SLC25A24: variants seen among roughly 807,000 people sequenced by gnomAD.
The protein encoded by SLC25A24 is mitochondrial adenyl nucleotide antiporter SLC25A24.
SLC25A24 carries 49 observed loss-of-function variants against 60.7 expected under a neutral mutation model. That is an observed-to-expected ratio of 0.81 (90% CI 0.64 to 1.02). SLC25A24 has a LOEUF of 1.02. SLC25A24 is among the 50% of genes least tolerant of loss of function. The probability of loss-of-function intolerance (pLI) is 0.00; values close to 1 mark genes in which losing one functional copy is unlikely to be tolerated. For missense variants in SLC25A24, 564 were observed against 586.3 expected, an observed-to-expected ratio of 0.96 and a Z score of 0.39; for synonymous variants, 202 against 200.6, an observed-to-expected ratio of 1.01 and a Z score of -0.06.
rs1647732363 is a variant in SLC25A24, at chr1:108,177,665, C to G, written c.398+4276G>C. Among the ~76,000 whole-genome samples, 5 of 152,162 alleles carry G rather than the reference C, an allele frequency of 3.3e-5. No homozygotes were observed. The South Asian group carries it at 1.0e-3, about 32-fold the overall frequency. On this transcript the variant is annotated intron_variant, in intron 3 of 9. Transcript: ENST00000565488. Reference sequence around the variant, plus strand: ...TAAGTCAGAAGTTGTAAAGGAGAAACAAAGTTCCTATATAATGATAAAAGG... The same window carrying G: ...TAAGTCAGAAGTTGTAAAGGAGAAAGAAAGTTCCTATATAATGATAAAAGG...
intron 4 of SLC25A24, among the ~76,000 whole-genome samples, chr1:108,159,612 G>GCCTT (rs1406010157): frequency 1.3e-5 from 2 of 151,610 alleles, no homozygotes; most frequent in Admixed American, 6.6e-5. Context: ...GGACCCTGCG[G>GCCTT]CCTTCCGCAG....
In SLC25A24 at chr1:108,161,803, T is replaced by A. The variant is rs531136554; in HGVS notation, c.399-510A>T. Among the ~76,000 whole-genome samples, 8 of 152,294 alleles carry A rather than the reference T, an allele frequency of 5.3e-5. No homozygotes were observed. The South Asian group carries it at 1.7e-3, about 32-fold the overall frequency. ...GTGACTGTGCCTTTGAGTCTTTTTTTTTTATTATTATACTTTAAGTTTTAG... is the reference window on the plus strand; with the variant it reads ...GTGACTGTGCCTTTGAGTCTTTTTTATTTATTATTATACTTTAAGTTTTAG... On this transcript the variant is annotated intron_variant, in intron 3 of 9. Transcript: ENST00000565488.
chr1:108,145,250 C>T (rs758481476), intron 7 of SLC25A24, among the ~76,000 whole-genome samples: 28 of 152,240 alleles, frequency 1.8e-4, no homozygotes, highest in Admixed American at 3.3e-4. Flanking sequence ...CCGTCACCCA[C>T]TTTTTGGTGG....
intron 7 of SLC25A24, 84 bp downstream of exon 7, chr1:108,148,193 CTG>C: frequency 1.2e-6 from 1 of 851,430 alleles, no homozygotes. Flanking sequence ...TTGTTTTAAA[CTG>C]TTAATTTTGG....
At position 108,155,152 on chromosome 1, in the gene SLC25A24, A is replaced by C; in HGVS notation, c.670-17T>G. The C allele has an allele frequency of 6.2e-7, 1 of 1,600,386 alleles. No homozygotes were observed. The highest frequency in any genetic ancestry group is 8.5e-7 in the Non-Finnish European group (1 of 1,173,090). On this transcript the variant is annotated splice_polypyrimidine_tract_variant and intron_variant, in intron 5 of 9. Transcript: ENST00000565488. ...ACCGTGAACCTAAAAATAAAAGCAGAATGATATAAAATGCTGGTGGCATAT... is the reference window on the plus strand; with the variant it reads ...ACCGTGAACCTAAAAATAAAAGCAGCATGATATAAAATGCTGGTGGCATAT...
chr1:108,144,118 A>T (rs959309436), intron 7 of SLC25A24, among the ~76,000 whole-genome samples: 1 of 152,134 alleles, frequency 6.6e-6, no homozygotes, highest in Non-Finnish European at 1.5e-5. Context: ...AGGATATGAG[A>T]GGAAAAATAG....
At chr1:108,169,849 A>C (rs1245941975) in intron 3 of SLC25A24, among the ~76,000 whole-genome samples, 1 of 152,102 alleles carries the variant, frequency 6.6e-6, no homozygotes, top group Non-Finnish European at 1.5e-5. Flanking sequence ...GGCATTAATG[A>C]TTCATATTAT....
intron 3 of SLC25A24, among the ~76,000 whole-genome samples, chr1:108,175,191 A>G (rs2101632006): frequency 6.6e-6 from 1 of 152,308 alleles, no homozygotes; most frequent in Non-Finnish European, 1.5e-5. Context: ...TAATCCCCAC[A>G]TGTCACAGGA....
At chr1:108,138,151 T>C (rs982089609) in intron 9 of SLC25A24, among the ~76,000 whole-genome samples, 1 of 152,262 alleles carries the variant, frequency 6.6e-6, no homozygotes, top group Non-Finnish European at 1.5e-5. Flanking sequence ...TTTAACCAGG[T>C]TGTTTACTTG....
chr1:108,154,910 T>G (rs1243688733), intron 6 of SLC25A24, 73 bp downstream of exon 6: 1 of 1,162,806 alleles, frequency 8.6e-7, no homozygotes, highest in Non-Finnish European at 1.2e-6. Context: ...CCAAAAGCAT[T>G]ATACATTAAC....
chr1:108,168,362 C>T (rs1392495668), intron 3 of SLC25A24, among the ~76,000 whole-genome samples: 5 of 152,034 alleles, frequency 3.3e-5, no homozygotes, highest in African/African-American at 9.7e-5. Flanking sequence ...TGTTGTTTGA[C>T]CCCACCACCC....
Position 108,200,274 on chromosome 1 carries a change from G to T in SLC25A24, c.-136C>A. ...GCGTTTGGGGCGCCGTCGGGGTTGC[G>T]GCTGCGGCGCGCAGGGCGCAGGGCG... On this transcript the variant is annotated 5_prime_UTR_variant, in exon 1 of 10. Transcript: ENST00000565488. The T allele has an allele frequency of 1.3e-6, 1 of 799,740 alleles. No homozygotes were observed. Among genetic ancestry groups the T allele is most frequent in the Non-Finnish European group, 1.7e-6 (1 of 586,692 alleles). 49.5% of individuals were successfully genotyped at this position (799,740 alleles called of 1,614,324 possible).
In SLC25A24 at chr1:108,192,528, C is replaced by A. The variant is rs140326109; in HGVS notation, c.184-6574G>T. ...TCCTCTAGAGATTGAATGGCCCCTACATCCTCCAGGCCTTCCTGAAGCTCA... is the reference window on the plus strand; with the variant it reads ...TCCTCTAGAGATTGAATGGCCCCTAAATCCTCCAGGCCTTCCTGAAGCTCA... On this transcript the variant is annotated intron_variant, in intron 1 of 9. Transcript: ENST00000565488. 3.3e-6 allele frequency: 5 copies of A among 1,498,398 alleles called. No homozygotes were observed. The African/African-American group carries it at 4.1e-5, about 12-fold the overall frequency. The allele number at this position is 1,498,398 out of a possible 1,614,324, so 92.8% of individuals were successfully genotyped here. A position where few individuals can be genotyped will look rare whatever the true frequency, so the allele number is the denominator to read the frequency against.
At chr1:108,168,551 T>A (rs924762495) in intron 3 of SLC25A24, among the ~76,000 whole-genome samples, 1 of 152,224 alleles carries the variant, frequency 6.6e-6, no homozygotes, top group South Asian at 2.1e-4. Context: ...ACTTCCTAGA[T>A]AAGATAGTCT....
At chr1:108,160,081 G>C (rs1680018089) in intron 4 of SLC25A24, among the ~76,000 whole-genome samples, 1 of 151,504 alleles carries the variant, frequency 6.6e-6, no homozygotes, top group East Asian at 2.0e-4. Flanking sequence ...TGGGGTGGCT[G>C]GCCGGGCGGG....
At chr1:108,144,481 G>A (rs1183182290) in intron 7 of SLC25A24, among the ~76,000 whole-genome samples, 3 of 152,144 alleles carry the variant, frequency 2.0e-5, no homozygotes, top group Non-Finnish European at 4.4e-5. Context: ...TGCAGAACGT[G>A]CAGGTTTGTT....
intron 2 of SLC25A24, among the ~76,000 whole-genome samples, chr1:108,185,392 A>T (rs775083026): frequency 6.6e-6 from 1 of 152,202 alleles, no homozygotes; most frequent in Non-Finnish European, 1.5e-5. Context: ...TCTTCCAAAA[A>T]AACTAACAGA....
At position 108,192,953 on chromosome 1, in the gene SLC25A24, T is replaced by C. The variant is rs116515973; in HGVS notation, c.184-6999A>G. ...GGCTCCCACTCCAGGAAGAGTCCAG[T>C]CGGGGCAACTCAAGCCCCTTTCCCC... On this transcript the variant is annotated intron_variant, in intron 1 of 9. Transcript: ENST00000565488. 9,417 of 234,814 alleles carry C rather than the reference T, an allele frequency of 0.04. 1,222 individuals are homozygous for C. The highest frequency in any genetic ancestry group is 0.11 in the African/African-American group (4,958 of 44,864). The allele number at this position is 234,814 out of a possible 1,614,324, so 14.5% of individuals were successfully genotyped here.
In SLC25A24 at chr1:108,189,951, T is replaced by C. The variant is rs111724404; in HGVS notation, c.184-3997A>G. Among the ~76,000 whole-genome samples the C allele has an allele frequency of 1.1e-4, 17 of 152,142 alleles. No individual in the cohort carries two copies. The South Asian group carries it at 1.9e-3, about 17-fold the overall frequency. On this transcript the variant is annotated intron_variant, in intron 1 of 9. Coordinates refer to ENST00000565488, the MANE Select transcript of SLC25A24 (RefSeq NM_013386.5). ...CAGTTTCAGGTATTCAGTGGGGGTC[T>C]TGGAAAATATGCCCTGCAGATAAAA...
Sources: allele counts gnomAD v4.1 joint callset (sites outside exome capture counted in the v4.1 genomes callset), GRCh38; gene constraint gnomAD v4.1.1; transcripts MANE v1.5; gene names NCBI Gene and HGNC (gene_info 2026-07-23, HGNC 2026-07-21).